MAP4K4: variants seen among roughly 807,000 people sequenced by gnomAD.
The protein encoded by MAP4K4 is HPK/GCK-like kinase HGK.
Under a neutral mutation model 189.6 loss-of-function variants are expected in MAP4K4, and 38 were observed. The ratio of observed to expected loss-of-function variants is 0.20; its 90% CI spans 0.15 to 0.26. The LOEUF (loss-of-function observed/expected upper bound fraction) is 0.26, where lower values mean the gene tolerates loss of function less well. MAP4K4 is among the 10% of genes least tolerant of loss of function. The pLI, the probability that MAP4K4 is intolerant of heterozygous loss-of-function variation, is 1.00. For missense variants in MAP4K4, 1,054 were observed against 1,726.9 expected, an observed-to-expected ratio of 0.61 and a Z score of 6.91; for synonymous variants, 610 against 624.3, an observed-to-expected ratio of 0.98 and a Z score of 0.34.
At chr2:101,836,146 A>AT in intron 9 of MAP4K4, among the ~76,000 whole-genome samples, 168 bp downstream of exon 9, 1 of 152,066 alleles carries the variant, frequency 6.6e-6, no homozygotes, top group Admixed American at 6.5e-5. Flanking sequence ...TTTAAATGAG[A>AT]TTTTTCTTGT....
intron 2 of MAP4K4, among the ~76,000 whole-genome samples, chr2:101,756,621 CACAGCTCGCT>C (rs1157204499): frequency 1.3e-5 from 2 of 152,070 alleles, no homozygotes; most frequent in Non-Finnish European, 2.9e-5. Context: ...GTGGCTTGAT[CACAGCTCGCT>C]ACAGCTTGGA....
intron 2 of MAP4K4, among the ~76,000 whole-genome samples, chr2:101,739,494 A>G (rs551405926): frequency 2.3e-4 from 35 of 152,230 alleles, no homozygotes; most frequent in African/African-American, 7.9e-4. Context: ...GTGCTGTGCT[A>G]TGGGTTTTTA....
intron 2 of MAP4K4, among the ~76,000 whole-genome samples, chr2:101,717,876 G>C (rs888053315): frequency 1.6e-4 from 25 of 152,172 alleles, no homozygotes; most frequent in African/African-American, 6.0e-4. Flanking sequence ...TGGAATCAAT[G>C]TGCTTCAACT....
chr2:101,702,531 T>G (rs1293172899), intron 2 of MAP4K4, among the ~76,000 whole-genome samples: 1 of 152,040 alleles, frequency 6.6e-6, no homozygotes, highest in African/African-American at 2.4e-5. Context: ...ATTGTGCCAT[T>G]GCACTCCAGC....
intron 11 of MAP4K4, 55 bp downstream of exon 11, chr2:101,842,736 G>A: frequency 7.0e-7 from 1 of 1,420,904 alleles, no homozygotes; most frequent in Non-Finnish European, 9.7e-7. Flanking sequence ...TAAGTTTTAT[G>A]TTGTGCCAGG....
chr2:101,745,782 T>C (rs1404779733), intron 2 of MAP4K4, among the ~76,000 whole-genome samples: 1 of 152,004 alleles, frequency 6.6e-6, no homozygotes, highest in African/African-American at 2.4e-5. Context: ...CTGGATCCAC[T>C]AGCTTGTAAA....
At chr2:101,880,345 A>G (rs901550190) in intron 27 of MAP4K4, among the ~76,000 whole-genome samples, 15 of 152,228 alleles carry the variant, frequency 9.9e-5, no homozygotes, top group African/African-American at 7.2e-5. Flanking sequence ...TAGGTCCACA[A>G]TCCATTTTGA....
At chr2:101,764,243 T>C (rs1035563525) in intron 2 of MAP4K4, among the ~76,000 whole-genome samples, 5 of 152,212 alleles carry the variant, frequency 3.3e-5, no homozygotes, top group African/African-American at 1.2e-4. Context: ...AGCATTGCAC[T>C]GTAATGTCAT....
At chr2:101,783,239 C>T (rs1462357981) in intron 2 of MAP4K4, among the ~76,000 whole-genome samples, 2 of 150,904 alleles carry the variant, frequency 1.3e-5, no homozygotes, top group African/African-American at 4.9e-5. Context: ...CCTGTCCTTT[C>T]AATTCTTGGA....
intron 2 of MAP4K4, among the ~76,000 whole-genome samples, chr2:101,780,164 G>C (rs2086606811): frequency 6.6e-6 from 1 of 152,192 alleles, no homozygotes; most frequent in Non-Finnish European, 1.5e-5. Flanking sequence ...AAGAAGTTAA[G>C]AATCAGTTTG....
At chr2:101,851,589 C>T (rs1180410871) in intron 12 of MAP4K4, among the ~76,000 whole-genome samples, 1 of 151,988 alleles carries the variant, frequency 6.6e-6, no homozygotes, top group African/African-American at 2.4e-5. Context: ...CTTAGTGCCC[C>T]CAGCTACCTC....
Position 101,885,137 on chromosome 2 carries a change from T to C in MAP4K4, c.3521-50T>C, listed in dbSNP as rs751187336. 5 of 992,500 alleles carry C rather than the reference T, an allele frequency of 5.0e-6. No homozygotes were observed. In the African/African-American group the frequency reaches 6.4e-5, roughly 13 times the overall value. 61.5% of individuals were successfully genotyped at this position (992,500 alleles called of 1,614,324 possible). A position where few individuals can be genotyped will look rare whatever the true frequency, so the allele number is the denominator to read the frequency against. The stretch of plus-strand genomic sequence containing the variant: ...ACAACTAAAACAGTTTAGAGGGCTA[T>C]GTTGATACTGACCTGTGCTTCTCTT... On this transcript the variant is annotated intron_variant, in intron 28 of 32. Transcript: ENST00000324219.
At chr2:101,783,623 A>G (rs1231451388) in intron 2 of MAP4K4, among the ~76,000 whole-genome samples, 2 of 152,228 alleles carry the variant, frequency 1.3e-5, no homozygotes, top group Non-Finnish European at 2.9e-5. Flanking sequence ...GACATGCCTA[A>G]TAGAAAAACG....
At chr2:101,725,316 G>A (rs1407764364) in intron 2 of MAP4K4, among the ~76,000 whole-genome samples, 2 of 151,036 alleles carry the variant, frequency 1.3e-5, no homozygotes, top group African/African-American at 4.9e-5. Flanking sequence ...TATAGCGATA[G>A]GTGCACAGGG....
At chr2:101,884,333 C>A (rs550766530) in intron 28 of MAP4K4, among the ~76,000 whole-genome samples, 20 of 152,282 alleles carry the variant, frequency 1.3e-4, no homozygotes, top group African/African-American at 4.8e-4. Flanking sequence ...AATACAGATA[C>A]GGAGAGTTTC....
At chr2:101,890,703 C>T (rs1469095912) in intron 32 of MAP4K4, among the ~76,000 whole-genome samples, 10 of 152,110 alleles carry the variant, frequency 6.6e-5, no homozygotes, top group East Asian at 5.8e-4. Flanking sequence ...GGTCCGCCTA[C>T]GTCGGCCTCC....
At chr2:101,890,300 G>A (rs558002070) in intron 32 of MAP4K4, among the ~76,000 whole-genome samples, 3 of 152,276 alleles carry the variant, frequency 2.0e-5, no homozygotes, top group South Asian at 2.1e-4. Flanking sequence ...AATAACTTCA[G>A]AAACATCCAT....
intron 20 of MAP4K4, 173 bp from the exon 21 acceptor site, chr2:101,867,856 C>T: frequency 7.8e-6 from 5 of 638,438 alleles, no homozygotes; most frequent in Non-Finnish European, 1.1e-5. Flanking sequence ...TGTTACCTGA[C>T]CATGTAATTG....
At chr2:101,890,733 G>T (rs1005523229) in intron 32 of MAP4K4, among the ~76,000 whole-genome samples, 4 of 152,064 alleles carry the variant, frequency 2.6e-5, no homozygotes, top group African/African-American at 9.7e-5. Context: ...GGGATTACAG[G>T]CATGAGCCAC....
Sources: gnomAD v4.1 joint callset for allele counts (sites outside exome capture counted in the v4.1 genomes callset) on GRCh38, gnomAD v4.1.1 for gene constraint, MANE v1.5 for transcripts, NCBI Gene and HGNC (gene_info 2026-07-23, HGNC 2026-07-21) for gene names.